MYO1C: variants seen among roughly 807,000 people sequenced by gnomAD.
MYO1C encodes myosin IC, also known as unconventional myosin-Ic.
Under a neutral mutation model 150.8 loss-of-function variants are expected in MYO1C, and 104 were observed. The observed-to-expected ratio is 0.69, with a 90% CI of 0.59 to 0.81. MYO1C has a LOEUF of 0.81. Among genes scored for constraint, MYO1C ranks in the 30% least tolerant of loss-of-function variants. The probability of loss-of-function intolerance (pLI) is 0.00; values close to 1 mark genes in which losing one functional copy is unlikely to be tolerated. For missense variants in MYO1C, 1,504 were observed against 1,435.0 expected (o/e 1.05, Z -0.78); for synonymous variants, 663 against 579.9 (o/e 1.14, Z -2.06).
At chr17:1,473,783 T>C (rs1235742606) in intron 17 of MYO1C, among the ~76,000 whole-genome samples, 1 of 152,170 alleles carries the variant, frequency 6.6e-6, no homozygotes, top group Admixed American at 6.5e-5. Flanking sequence ...GCCCTCACTA[T>C]AGGTTCATCT....
chr17:1,483,333 G>T (rs897314475), intron 3 of MYO1C, among the ~76,000 whole-genome samples: 5 of 151,860 alleles, frequency 3.3e-5, no homozygotes, highest in African/African-American at 4.8e-5. Flanking sequence ...GGGCTGGGGG[G>T]GGTCTTTGCA....
chr17:1,477,389 C>T, intron 14 of MYO1C, 116 bp downstream of exon 14: 1 of 942,970 alleles, frequency 1.1e-6, no homozygotes, highest in Non-Finnish European at 1.7e-6. Flanking sequence ...TAACTCAGCA[C>T]CGTCCCTGGT....
Position 1,482,614 on chromosome 17 carries a change from C to A in MYO1C, c.547-56G>T. On this transcript the variant is annotated intron_variant, in intron 4 of 31. Transcript: ENST00000648651. ...TGGCACTCTCCCCCTGCCCTCCCCACCCCGCCTTGTAGCTACTGCTGCCCC... is the reference window on the plus strand; with the variant it reads ...TGGCACTCTCCCCCTGCCCTCCCCAACCCGCCTTGTAGCTACTGCTGCCCC... The A allele has an allele frequency of 2.1e-6, 3 of 1,457,966 alleles. No individual in the cohort carries two copies. The South Asian group carries it at 3.5e-5, about 17-fold the overall frequency. 90.3% of individuals were successfully genotyped at this position (1,457,966 alleles called of 1,614,324 possible). A position where few individuals can be genotyped will look rare whatever the true frequency, so the allele number is the denominator to read the frequency against.
chr17:1,489,294 G>A (rs557850206), intron 1 of MYO1C, among the ~76,000 whole-genome samples: 2 of 152,216 alleles, frequency 1.3e-5, no homozygotes, highest in Admixed American at 1.3e-4. Flanking sequence ...ATTGCTCACA[G>A]GGCCTTGGTC....
intron 5 of MYO1C, 91 bp downstream of exon 5, chr17:1,482,387 G>T: frequency 8.6e-7 from 1 of 1,165,672 alleles, no homozygotes; most frequent in Non-Finnish European, 1.3e-6. Context: ...TGGAATTGCA[G>T]CACCTGGAAT....
At chr17:1,489,006 C>A (rs1351501486) in intron 1 of MYO1C, among the ~76,000 whole-genome samples, 1 of 152,178 alleles carries the variant, frequency 6.6e-6, no homozygotes, top group Non-Finnish European at 1.5e-5. Flanking sequence ...TAAGGGCACA[C>A]AGATCTTGCC....
intron 29 of MYO1C, 110 bp from the exon 30 acceptor site, chr17:1,467,687 C>T: frequency 2.1e-6 from 2 of 974,580 alleles, no homozygotes; most frequent in East Asian, 2.8e-5. Context: ...ATCCACCCTC[C>T]CACCTCCCCA....
chr17:1,478,774 G>A lies in MYO1C; in HGVS notation c.1093-39C>T, dbSNP rs2074453686. 1.2e-6 allele frequency: 2 copies of A among 1,610,666 alleles called. No individual in the cohort carries two copies. Among genetic ancestry groups the A allele is most frequent in the South Asian group, 1.1e-5 (1 of 90,982 alleles). ...GTGAGACAAGGAGATGAATGCCACA[G>A]AGCCTGTGCATCCCACCTGCTCCCA... is the stretch of plus-strand genomic sequence containing the variant. On this transcript the variant is annotated intron_variant, in intron 9 of 31. Coordinates refer to ENST00000648651, the MANE Select transcript of MYO1C (RefSeq NM_001080779.2). The surrounding 1 kb of genome is among the most constrained non-coding windows in gnomAD (Gnocchi z 6.3).
chr17:1,485,101 C>G, intron 1 of MYO1C: 1 of 1,244,816 alleles, frequency 8.0e-7, no homozygotes, highest in Non-Finnish European at 1.0e-6. Context: ...CCTGAGAAGC[C>G]TCAGGGGATG....
chr17:1,474,799 A>ACCCCCC lies in MYO1C; in HGVS notation c.1716+12_1716+13insGGGGGG. On this transcript the variant is annotated intron_variant, in intron 16 of 31. Coordinates refer to ENST00000648651, the MANE Select transcript of MYO1C (RefSeq NM_001080779.2). Reference sequence around the variant, plus strand: ...TCCCCACCCCCACCCCGGCCTCCCCACGTCCTCCTCACCTCCTTAAGGTTC... The same window carrying ACCCCCC: ...TCCCCACCCCCACCCCGGCCTCCCCACCCCCCCGTCCTCCTCACCTCCTTAAGGTTC... 8.6e-7 allele frequency: 1 copy of ACCCCCC among 1,156,138 alleles called. No individual in the cohort carries two copies. The allele number at this position is 1,156,138 out of a possible 1,614,324, so 71.6% of individuals were successfully genotyped here. A position where few individuals can be genotyped will look rare whatever the true frequency, so the allele number is the denominator to read the frequency against.
At chr17:1,488,270 C>T (rs1010166828) in intron 1 of MYO1C, among the ~76,000 whole-genome samples, 2 of 152,124 alleles carry the variant, frequency 1.3e-5, no homozygotes, top group Admixed American at 6.5e-5. Flanking sequence ...CCCGCTGGCG[C>T]CCCCGCAGCC....
intron 3 of MYO1C, 93 bp downstream of exon 3, chr17:1,483,517 C>G: frequency 1.1e-6 from 1 of 917,860 alleles, no homozygotes; most frequent in Non-Finnish European, 1.7e-6. Flanking sequence ...TGGCGCGGGA[C>G]GCCAGGATCA....
rs745804203 is a variant in MYO1C, at chr17:1,469,576, C to T, written c.2565G>A (p.Met855Ile). The T allele has an allele frequency of 6.2e-7, 1 of 1,613,364 alleles. No homozygotes were observed. Among genetic ancestry groups the T allele is most frequent in the Admixed American group, 1.7e-5 (1 of 59,986 alleles). Residue 855 changes from methionine (M) to isoleucine (I), a missense_variant, in exon 25 of 32, where the codon ATG (methionine) becomes ATA (isoleucine). Transcript: ENST00000648651. ...ELLRELCIKN[M>I]VWKYCRSISP... ...TGATACTCCGGCAGTATTTCCACAC[C>T]ATGTTCTTTATGCACAACTCCCGCA...
Position 1,478,362 on chromosome 17 carries a change from A to G in MYO1C, c.1295+48T>C. Reference sequence around the variant, plus strand: ...AGAGGCTGGAGGACAGAAGAGAGGGAGCAGGACAGGAGACCGGGAGGAGAG... The same window carrying G: ...AGAGGCTGGAGGACAGAAGAGAGGGGGCAGGACAGGAGACCGGGAGGAGAG... On this transcript the variant is annotated intron_variant, in intron 11 of 31. Coordinates refer to ENST00000648651, the MANE Select transcript of MYO1C (RefSeq NM_001080779.2). This position sits in a 1 kb window ranked among gnomAD's most constrained non-coding sequence, Gnocchi z 6.3. 1 of 1,607,316 alleles carries G rather than the reference A, an allele frequency of 6.2e-7. No individual in the cohort carries two copies. Among genetic ancestry groups the G allele is most frequent in the East Asian group, 2.2e-5 (1 of 44,846 alleles).
At chr17:1,491,781 G>T in intron 1 of MYO1C, 1 of 467,918 alleles carries the variant, frequency 2.1e-6, no homozygotes, top group Non-Finnish European at 2.8e-6. Flanking sequence ...CCCCGGCCGC[G>T]TCCGCGAAGC....
Position 1,479,204 on chromosome 17 carries a change from G to T in MYO1C, c.1092+227C>A, listed in dbSNP as rs949780697. Among the ~76,000 whole-genome samples the T allele has an allele frequency of 6.0e-4, 92 of 152,284 alleles. 1 individual carries two copies. Among genetic ancestry groups the T allele is most frequent in the African/African-American group, 2.1e-3 (86 of 41,548 alleles). ...GATGGGGTTTCACCATGTTGGCCAA[G>T]ATGGTCTCGAACTCCTGACCTCAGG... is the stretch of plus-strand genomic sequence containing the variant. On this transcript the variant is annotated intron_variant, in intron 9 of 31. Transcript: ENST00000648651. This position sits in a 1 kb window ranked among gnomAD's most constrained non-coding sequence, Gnocchi z 4.2.
At position 1,471,311 on chromosome 17, in the gene MYO1C, A is replaced by G. The variant is rs2074298354; in HGVS notation, c.2047T>C (p.Trp683Arg). The G allele has an allele frequency of 6.2e-7, 1 of 1,613,874 alleles. No homozygotes were observed. The highest frequency in any genetic ancestry group is 1.3e-5 in the African/African-American group (1 of 75,010). Residue 683 changes from tryptophan (W) to arginine (R), a missense_variant, in exon 20 of 32, where the codon TGG becomes CGG. Physicochemically the swap from Trp to Arg is moderately radical, Grantham distance 101 (BLOSUM62 -3). Transcript: ENST00000648651. ...TGCGGCCGTCCTGCCCACGTGGGCCACGTCTCTGGGCACAGTGACTTGTAC... is the reference window on the plus strand; with the variant it reads ...TGCGGCCGTCCTGCCCACGTGGGCCGCGTCTCTGGGCACAGTGACTTGTAC... The part of the protein sequence containing the change: ...QRYKSLCPET[W>R]PTWAGRPQDG...
At chr17:1,481,639 A>G (rs990444083) in intron 5 of MYO1C, among the ~76,000 whole-genome samples, 1 of 151,762 alleles carries the variant, frequency 6.6e-6, no homozygotes, top group Non-Finnish European at 1.5e-5. Context: ...TAGCTGGGAC[A>G]ACAGGCACAC....
chr17:1,491,723 T>G, intron 1 of MYO1C: 1 of 877,684 alleles, frequency 1.1e-6, no homozygotes, highest in Non-Finnish European at 1.4e-6. Flanking sequence ...CCTGTCGTCA[T>G]CCCGGGCAGG....
Sources: allele counts gnomAD v4.1 joint callset (sites outside exome capture counted in the v4.1 genomes callset), GRCh38; gene constraint gnomAD v4.1.1; non-coding constraint Gnocchi (gnomAD v3.1); transcripts MANE v1.5; gene names NCBI Gene and HGNC (gene_info 2026-07-23, HGNC 2026-07-21).